The following RBBP8 variants were observed in gnomAD, a reference collection of about 807,000 sequenced individuals.
RBBP8 encodes RB binding protein 8, endonuclease, also known as DNA endonuclease RBBP8.
In RBBP8, 88 loss-of-function variants were observed where a neutral mutation model predicts 108.3. The observed-to-expected ratio is 0.81, with a 90% CI of 0.68 to 0.97. The LOEUF is 0.97. RBBP8 is among the 50% of genes least tolerant of loss of function. RBBP8 has a pLI of 0.00. For synonymous variants in RBBP8, 332 were observed against 348.2 expected, an observed-to-expected ratio of 0.95 and a Z score of 0.52; for missense variants, 1,023 against 1,049.0, an observed-to-expected ratio of 0.98 and a Z score of 0.34.
chr18:23,022,240 T>TTTCC lies in RBBP8; in HGVS notation c.2571_2574dup (p.Thr859PhefsTer12), dbSNP rs752284145. 1 of 1,612,356 alleles carries TTTCC rather than the reference T, an allele frequency of 6.2e-7. No homozygotes were observed. The highest frequency in any genetic ancestry group is 8.5e-7 in the Non-Finnish European group (1 of 1,178,426). Reference sequence around the variant, plus strand: ...ACCAGAGAATTTTTGGGAAGTTGGTTTTCCTTCCACTCAGACTTGTATGGA... The same window carrying TTTCC: ...ACCAGAGAATTTTTGGGAAGTTGGTTTTCCTTCCTTCCACTCAGACTTGTATGGA... On this transcript the variant is annotated frameshift_variant, in exon 18 of 19. Transcript: ENST00000327155. LOFTEE classifies it high-confidence loss of function.
intron 14 of RBBP8, among the ~76,000 whole-genome samples, chr18:23,000,611 G>T (rs1202609906): frequency 1.3e-5 from 2 of 151,698 alleles, no homozygotes; most frequent in Non-Finnish European, 2.9e-5. Flanking sequence ...GTATGGTGGC[G>T]CACACCTCTA....
intron 9 of RBBP8, among the ~76,000 whole-genome samples, chr18:22,989,651 ATTG>A (rs891037528): frequency 7.1e-4 from 107 of 150,644 alleles, no homozygotes; most frequent in African/African-American, 2.5e-3. Context: ...TGATTTCAGA[ATTG>A]TTGTTTTGTT....
chr18:22,992,487 C>T (rs771988461), intron 10 of RBBP8, among the ~76,000 whole-genome samples: 9 of 152,106 alleles, frequency 5.9e-5, no homozygotes, highest in Non-Finnish European at 7.3e-5. Flanking sequence ...TGAGCCACTG[C>T]GCCTGGCAAA....
intron 8 of RBBP8, 142 bp from the exon 9 acceptor site, chr18:22,989,079 C>A: frequency 1.7e-6 from 1 of 587,568 alleles, no homozygotes. Context: ...ACTTTTTGCA[C>A]AGAATTTTAA....
intron 16 of RBBP8, among the ~76,000 whole-genome samples, chr18:23,010,608 AAG>A (rs2046141128): frequency 6.6e-6 from 1 of 152,132 alleles, no homozygotes; most frequent in Non-Finnish European, 1.5e-5. Context: ...CAAAAAAAAA[AAG>A]AACTGTCATT....
intron 16 of RBBP8, among the ~76,000 whole-genome samples, chr18:23,007,033 T>C (rs967436129): frequency 4.0e-5 from 6 of 150,822 alleles, no homozygotes; most frequent in African/African-American, 1.5e-4. Context: ...TTTTTTTTTT[T>C]TTTTGGAGAC....
intron 7 of RBBP8, among the ~76,000 whole-genome samples, chr18:22,984,666 C>T (rs975782231): frequency 1.3e-5 from 2 of 152,160 alleles, no homozygotes; most frequent in African/African-American, 4.8e-5. Context: ...TTCTAGTCCC[C>T]TCTCTCCCAA....
At position 22,993,289 on chromosome 18, in the gene RBBP8, G is replaced by C; in HGVS notation, c.1462G>C (p.Asp488His). 2 of 1,614,188 alleles carry C rather than the reference G, an allele frequency of 1.2e-6. No homozygotes were observed. The highest frequency in any genetic ancestry group is 1.7e-6 in the Non-Finnish European group (2 of 1,180,022). ...QFSMNGDCVM[D>H]KPLDLSDRFS... is the part of the protein sequence containing the mutation. ...TTCCATGAATGGAGACTGTGTGATG[G>C]ATAAACCTCTGGATCTGTCTGATCG... The change falls in exon 11 of 19, where the codon GAT becomes CAT. Residue 488 changes from aspartate to histidine, a missense_variant. By Grantham distance (81) the Asp-to-His change is moderately conservative (BLOSUM62 -1). Coordinates refer to ENST00000327155, the MANE Select transcript of RBBP8 (RefSeq NM_002894.3).
Position 22,990,979 on chromosome 18 carries a change from CACTGTCTGGAAGGAAATCACAAGAA to C in RBBP8, c.853_877del (p.Cys285SerfsTer14). Reference sequence around the variant, plus strand: ...GAGCCCCCTTGGTGATGAGCTCTACCACTGTCTGGAAGGAAATCACAAGAAACAGCCTTTTGAGGAATCTACAAGA... The same window carrying C: ...GAGCCCCCTTGGTGATGAGCTCTACCACAGCCTTTTGAGGAATCTACAAGA... On this transcript the variant is annotated frameshift_variant, in exon 10 of 19. Coordinates refer to ENST00000327155, the MANE Select transcript of RBBP8 (RefSeq NM_002894.3). LOFTEE classifies it high-confidence loss of function. 6.2e-7 allele frequency: 1 copy of C among 1,613,772 alleles called. No homozygotes were observed. The highest frequency in any genetic ancestry group is 2.2e-5 in the East Asian group (1 of 44,858).
chr18:22,915,980 A>G (rs1909339902), intron 2 of RBBP8, among the ~76,000 whole-genome samples: 1 of 152,082 alleles, frequency 6.6e-6, no homozygotes, highest in Non-Finnish European at 1.5e-5. Flanking sequence ...GTCCTATTAG[A>G]TATTACTTTC....
At chr18:23,007,948 G>A (rs9963862) in intron 16 of RBBP8, among the ~76,000 whole-genome samples, 74,292 of 151,172 alleles carry the variant, frequency 0.49, 21,580 homozygotes, top group Middle Eastern at 0.67. Context: ...GAGTAGCTGG[G>A]ATTACAGGTG....
chr18:23,006,471 A>G (rs748132111), intron 16 of RBBP8, 39 bp downstream of exon 16: 68 of 1,420,392 alleles, frequency 4.8e-5, no homozygotes, highest in Non-Finnish European at 6.5e-5. Flanking sequence ...TGTGACTGGA[A>G]GTACAATAGA....
At chr18:22,919,286 A>C (rs1049720120) in intron 3 of RBBP8, among the ~76,000 whole-genome samples, 1 of 152,194 alleles carries the variant, frequency 6.6e-6, no homozygotes, top group Non-Finnish European at 1.5e-5. Flanking sequence ...TGAATGAATA[A>C]AGAGCAAAAA....
At chr18:22,941,890 A>G (rs1182702984) in intron 2 of RBBP8, among the ~76,000 whole-genome samples, 2 of 152,154 alleles carry the variant, frequency 1.3e-5, no homozygotes, top group Admixed American at 6.5e-5. Flanking sequence ...CCAATTTCAA[A>G]TAACTTATGG....
intron 7 of RBBP8, 42 bp downstream of exon 7, chr18:22,982,435 C>A (rs1243464188): frequency 1.9e-6 from 3 of 1,610,956 alleles, no homozygotes; most frequent in Admixed American, 3.3e-5. Flanking sequence ...GTTTTGTAAA[C>A]CAGTGTTCAT....
rs760170804 is a variant in RBBP8 at position 22,990,974 on chromosome 18, T to C, written c.845T>C (p.Leu282Pro). 1 of 1,613,718 alleles carries C rather than the reference T, an allele frequency of 6.2e-7. No homozygotes were observed. The highest frequency in any genetic ancestry group is 8.5e-7 in the Non-Finnish European group (1 of 1,179,812). ...CCCATGAGCCCCCTTGGTGATGAGC[T>C]CTACCACTGTCTGGAAGGAAATCAC... is the stretch of plus-strand genomic sequence containing the variant. ...QGPMSPLGDE[L>P]YHCLEGNHKK... Residue 282 changes from leucine (L) to proline (P), a missense_variant, in exon 10 of 19, where the codon CTC becomes CCC. Transcript: ENST00000327155.
chr18:23,017,577 C>G (rs1406394638), intron 17 of RBBP8, among the ~76,000 whole-genome samples: 1 of 150,810 alleles, frequency 6.6e-6, no homozygotes, highest in Non-Finnish European at 1.5e-5. Context: ...TGGCGTGAAC[C>G]CGGGAGGCAG....
intron 18 of RBBP8, among the ~76,000 whole-genome samples, chr18:23,023,121 C>G (rs1431614112): frequency 6.6e-6 from 1 of 151,856 alleles, no homozygotes; most frequent in East Asian, 1.9e-4. Flanking sequence ...TGGTCGTGAA[C>G]TCCTGGCCTC....
chr18:22,963,715 A>G (rs544570138), intron 4 of RBBP8, among the ~76,000 whole-genome samples: 2 of 152,260 alleles, frequency 1.3e-5, no homozygotes, highest in South Asian at 4.1e-4. Flanking sequence ...TAGATTTCTG[A>G]GACGGAGTGT....
Sources: gnomAD v4.1 joint callset for allele counts (sites outside exome capture counted in the v4.1 genomes callset) on GRCh38, gnomAD v4.1.1 for gene constraint, MANE v1.5 for transcripts, NCBI Gene and HGNC (gene_info 2026-07-23, HGNC 2026-07-21) for gene names.